Variants in NAALADL2 observed in about 807,000 individuals in gnomAD.
NAALADL2 encodes N-acetylated alpha-linked acidic dipeptidase like 2, also known as inactive N-acetylated-alpha-linked acidic dipeptidase-like protein 2.
In NAALADL2, 76 loss-of-function variants were observed where a neutral mutation model predicts 87.2. That is an observed-to-expected ratio of 0.87 (90% CI 0.72 to 1.05). The LOEUF is 1.05. Among genes scored for constraint, NAALADL2 ranks in the 50% least tolerant of loss-of-function variants. The pLI is 0.00. For missense variants in NAALADL2, 1,089 were observed against 945.8 expected (o/e 1.15, Z -1.99); for synonymous variants, 354 against 331.0 (o/e 1.07, Z -0.75).
chr3:174,687,777 G>A (rs1208741201), intron 2 of NAALADL2, among the ~76,000 whole-genome samples: 1 of 152,124 alleles, frequency 6.6e-6, no homozygotes, highest in Admixed American at 6.6e-5. Context: ...GGCAGGGCCA[G>A]GTGGAGATAA....
At chr3:175,065,256 T>C (rs186639548) in intron 1 of NAALADL2, among the ~76,000 whole-genome samples, 253 of 152,264 alleles carry the variant, frequency 1.7e-3, no homozygotes, top group African/African-American at 5.8e-3. Flanking sequence ...CTAGTGCTTC[T>C]ATTGTCGTCG....
chr3:175,143,415 G>C (rs912946887), intron 2 of NAALADL2, among the ~76,000 whole-genome samples: 2 of 151,778 alleles, frequency 1.3e-5, no homozygotes, highest in African/African-American at 4.8e-5. Flanking sequence ...TGTCACTTCT[G>C]AAAAGAGGCT....
chr3:175,769,718 G>C (rs1050030336), intron 13 of NAALADL2, among the ~76,000 whole-genome samples: 1 of 116,950 alleles, frequency 8.6e-6, no homozygotes, highest in Non-Finnish European at 1.6e-5. Flanking sequence ...GCATGTATAT[G>C]TGTGTGCATG....
In NAALADL2 at chr3:175,702,987, A is replaced by G. The variant is rs569229463; in HGVS notation, c.1897-34319A>G. ...AGGATGAGAATTCCACCAATGTGCT[A>G]CAAAATATCCTATGTAATTTCCTTA... On this transcript the variant is annotated intron_variant, in intron 11 of 13. Transcript: ENST00000454872. Among the ~76,000 whole-genome samples, 11 of 152,258 alleles carry G rather than the reference A, an allele frequency of 7.2e-5. 1 individual carries two copies. In the East Asian group the frequency reaches 1.4e-3, roughly 19 times the overall value.
intron 3 of NAALADL2, among the ~76,000 whole-genome samples, chr3:174,852,628 T>C (rs547064957): frequency 6.6e-6 from 1 of 152,218 alleles, no homozygotes; most frequent in East Asian, 1.9e-4. Flanking sequence ...GGTTAAAATG[T>C]CTATACTACC....
At chr3:174,930,025 C>A (rs563455232) in intron 1 of NAALADL2, among the ~76,000 whole-genome samples, 2 of 152,118 alleles carry the variant, frequency 1.3e-5, no homozygotes, top group South Asian at 2.1e-4. Flanking sequence ...ATCAAAGCCA[C>A]CTTAGTTTCT....
At chr3:175,728,524 T>A (rs889555037) in intron 11 of NAALADL2, among the ~76,000 whole-genome samples, 2 of 152,152 alleles carry the variant, frequency 1.3e-5, no homozygotes, top group Non-Finnish European at 2.9e-5. Flanking sequence ...TTCAGGAAAC[T>A]CCCTCCACTC....
chr3:174,481,087 G>A (rs1043551977), intron 1 of NAALADL2, among the ~76,000 whole-genome samples: 15 of 152,136 alleles, frequency 9.9e-5, no homozygotes, highest in African/African-American at 2.9e-4. Context: ...TTGACTTATC[G>A]CATAAAATTG....
At chr3:174,999,213 A>G (rs1026889937) in intron 1 of NAALADL2, among the ~76,000 whole-genome samples, 1 of 152,096 alleles carries the variant, frequency 6.6e-6, no homozygotes, top group East Asian at 1.9e-4. Flanking sequence ...AATGTAAAGT[A>G]TTTTTCCCCA....
chr3:174,601,080 A>G (rs1112554), intron 2 of NAALADL2, among the ~76,000 whole-genome samples: 63,058 of 152,044 alleles, frequency 0.41, 14,799 homozygotes, highest in Non-Finnish European at 0.55. Flanking sequence ...CAATCCAATT[A>G]TACTCTTTCA....
At chr3:175,227,286 T>G (rs908928725) in intron 2 of NAALADL2, among the ~76,000 whole-genome samples, 1 of 151,954 alleles carries the variant, frequency 6.6e-6, no homozygotes, top group African/African-American at 2.4e-5. Context: ...AACATTGATA[T>G]AAACAGAATT....
chr3:174,741,618 A>G lies in NAALADL2; in HGVS notation c.-9+3872A>G, dbSNP rs574274746. ...ATAAAAGAAAAAACAATATTCATATAGTGAATAAAAAGCCATGAAGAGCTG... is the reference window on the plus strand; with the variant it reads ...ATAAAAGAAAAAACAATATTCATATGGTGAATAAAAAGCCATGAAGAGCTG... On this transcript the variant is annotated intron_variant, in intron 3 of 3. Transcript: ENST00000434257. 1.1e-4 allele frequency among the ~76,000 whole-genome samples: 17 copies of G among 151,794 alleles called. No homozygotes were observed. The East Asian group carries it at 3.1e-3, about 28-fold the overall frequency.
chr3:175,703,602 G>A (rs1218565283), intron 11 of NAALADL2, among the ~76,000 whole-genome samples: 1 of 152,076 alleles, frequency 6.6e-6, no homozygotes, highest in Non-Finnish European at 1.5e-5. Flanking sequence ...AATTAGTCAG[G>A]AGCGGTGGCA....
chr3:175,334,371 C>G (rs1238405724), intron 5 of NAALADL2, among the ~76,000 whole-genome samples: 2 of 152,102 alleles, frequency 1.3e-5, no homozygotes, highest in Non-Finnish European at 2.9e-5. Context: ...TTTCCCTCTT[C>G]CCTATTTGTA....
intron 2 of NAALADL2, among the ~76,000 whole-genome samples, chr3:174,626,694 A>G (rs1389411893): frequency 1.3e-5 from 2 of 152,028 alleles, no homozygotes; most frequent in Admixed American, 6.6e-5. Context: ...TATTTACTAT[A>G]ATAATTTATT....
intron 1 of NAALADL2, among the ~76,000 whole-genome samples, chr3:175,052,834 C>T (rs1015759121): frequency 1.3e-5 from 2 of 152,154 alleles, no homozygotes; most frequent in Non-Finnish European, 2.9e-5. Flanking sequence ...GGTTGAGGTG[C>T]CACTATACTG....
intron 2 of NAALADL2, among the ~76,000 whole-genome samples, chr3:175,107,079 T>C (rs978875191): frequency 1.3e-5 from 2 of 151,994 alleles, no homozygotes; most frequent in Non-Finnish European, 2.9e-5. Flanking sequence ...ACTGAATGGA[T>C]AGGTAATTTT....
intron 10 of NAALADL2, among the ~76,000 whole-genome samples, chr3:175,610,857 A>G (rs1337317377): frequency 6.6e-6 from 1 of 152,094 alleles, no homozygotes; most frequent in African/African-American, 2.4e-5. Context: ...TGTTTTGCTC[A>G]TTGTTCTCGT....
intron 1 of NAALADL2, among the ~76,000 whole-genome samples, chr3:174,862,544 G>A (rs1726626235): frequency 6.6e-6 from 1 of 152,056 alleles, no homozygotes; most frequent in African/African-American, 2.4e-5. Flanking sequence ...ATCCAGCTAT[G>A]TGCTTCACCT....
Sources: gnomAD v4.1 joint callset for allele counts (sites outside exome capture counted in the v4.1 genomes callset) on GRCh38, gnomAD v4.1.1 for gene constraint, MANE v1.5 for transcripts, NCBI Gene and HGNC (gene_info 2026-07-23, HGNC 2026-07-21) for gene names.